Variants in DTD1 observed in about 807,000 individuals in gnomAD.
The protein encoded by DTD1 is D-aminoacyl-tRNA deacylase 1, also known as D-tyrosyl-tRNA deacylase 1 homolog.
A neutral mutation model predicts 25.6 loss-of-function variants in DTD1; 13 were observed. The ratio of observed to expected loss-of-function variants is 0.51; its 90% CI spans 0.33 to 0.81. The LOEUF is 0.81. Among genes scored for constraint, DTD1 ranks in the 30% least tolerant of loss-of-function variants. The pLI is 0.02. For synonymous variants in DTD1, 110 were observed against 103.6 expected (o/e 1.06, Z -0.37); for missense variants, 193 against 266.4 (o/e 0.72, Z 1.92).
At chr20:18,714,636 G>C (rs1349746515) in intron 4 of DTD1, among the ~76,000 whole-genome samples, 1 of 152,184 alleles carries the variant, frequency 6.6e-6, no homozygotes, top group Non-Finnish European at 1.5e-5. Context: ...CTTGGAACCA[G>C]GGTCAAGGCC....
chr20:18,642,580 C>A (rs78743660), intron 4 of DTD1, among the ~76,000 whole-genome samples: 5 of 152,010 alleles, frequency 3.3e-5, no homozygotes, highest in Middle Eastern at 3.4e-3. Context: ...AGTTGTTTAC[C>A]CTCTTCAGAA....
chr20:18,698,965 C>A (rs998235347), intron 4 of DTD1, among the ~76,000 whole-genome samples: 1 of 152,122 alleles, frequency 6.6e-6, no homozygotes, highest in African/African-American at 2.4e-5. Context: ...GCCCTTACAC[C>A]CTCCACGTCT....
At chr20:18,675,817 C>CATAT (rs1405466236) in intron 4 of DTD1, among the ~76,000 whole-genome samples, 2 of 50,370 alleles carry the variant, frequency 4.0e-5, no homozygotes, top group Non-Finnish European at 4.1e-5. Flanking sequence ...TATTTACACA[C>CATAT]ATATATGTAA....
chr20:18,680,487 G>T (rs1465371372), intron 4 of DTD1, among the ~76,000 whole-genome samples: 1 of 144,660 alleles, frequency 6.9e-6, no homozygotes, highest in African/African-American at 2.6e-5. Flanking sequence ...AGTGATCCTC[G>T]CATCTGGGCC....
intron 4 of DTD1, among the ~76,000 whole-genome samples, chr20:18,707,644 T>C (rs1370191989): frequency 6.6e-6 from 1 of 152,206 alleles, no homozygotes. Context: ...GGGCATCATG[T>C]GTTACAGGCT....
chr20:18,755,848 T>C (rs1002680510), intron 5 of DTD1, among the ~76,000 whole-genome samples: 5 of 152,130 alleles, frequency 3.3e-5, no homozygotes, highest in African/African-American at 4.8e-5. Flanking sequence ...ATCGCCACAC[T>C]GACTTCCACA....
At chr20:18,646,072 T>C (rs1295758144) in intron 4 of DTD1, among the ~76,000 whole-genome samples, 1 of 152,198 alleles carries the variant, frequency 6.6e-6, no homozygotes, top group Admixed American at 6.5e-5. Context: ...CTACCTCACA[T>C]TTGTGTCCAA....
chr20:18,736,216 A>G (rs1053613227), intron 4 of DTD1, among the ~76,000 whole-genome samples: 1 of 152,182 alleles, frequency 6.6e-6, no homozygotes, highest in African/African-American at 2.4e-5. Context: ...TGGCAACAGC[A>G]GACATCGTGT....
intron 4 of DTD1, among the ~76,000 whole-genome samples, chr20:18,683,756 G>A (rs984162344): frequency 6.6e-6 from 1 of 152,210 alleles, no homozygotes; most frequent in Admixed American, 6.5e-5. Context: ...GGAACTAGCA[G>A]TATTCCCAGA....
intron 2 of DTD1, among the ~76,000 whole-genome samples, chr20:18,594,882 A>G (rs2060603680): frequency 6.6e-6 from 1 of 152,202 alleles, no homozygotes; most frequent in Non-Finnish European, 1.5e-5. Context: ...GATGTGATTC[A>G]ACATAAGACA....
At chr20:18,660,201 C>A (rs1033457769) in intron 4 of DTD1, among the ~76,000 whole-genome samples, 1 of 151,792 alleles carries the variant, frequency 6.6e-6, no homozygotes, top group Non-Finnish European at 1.5e-5. Flanking sequence ...AGCGAGACTC[C>A]GTCTCAAAAA....
At chr20:18,742,178 C>T (rs1047234647) in intron 4 of DTD1, among the ~76,000 whole-genome samples, 1 of 152,154 alleles carries the variant, frequency 6.6e-6, no homozygotes, top group South Asian at 2.1e-4. Context: ...AATGACACTA[C>T]AGTCCATGTT....
intron 5 of DTD1, among the ~76,000 whole-genome samples, chr20:18,758,369 G>A (rs1186977024): frequency 2.2e-4 from 34 of 152,094 alleles, no homozygotes; most frequent in Non-Finnish European, 7.4e-5. Context: ...ATGTTAGGGT[G>A]TCAATTTTGG....
At position 18,612,728 on chromosome 20, in the gene DTD1, G is replaced by A. The variant is rs376678621; in HGVS notation, c.371-15399G>A. 2.6e-5 allele frequency among the ~76,000 whole-genome samples: 4 copies of A among 151,924 alleles called. No individual in the cohort carries two copies. In the South Asian group the frequency reaches 6.3e-4, roughly 24 times the overall value. On this transcript the variant is annotated intron_variant, in intron 3 of 5. Transcript: ENST00000377452. ...GGCTGGAGTGCATTGGCGCAATCTG[G>A]GCTCACTGCAACCTCCTCCTCCCAG...
chr20:18,618,704 CACACACACAT>C (rs1463749834), intron 3 of DTD1, among the ~76,000 whole-genome samples: 1 of 147,940 alleles, frequency 6.8e-6, no homozygotes, highest in African/African-American at 2.5e-5. Flanking sequence ...CACACACACA[CACACACACAT>C]ATAATTTTTT....
chr20:18,594,275 CA>C (rs1448538991), intron 2 of DTD1, among the ~76,000 whole-genome samples: 1 of 152,124 alleles, frequency 6.6e-6, no homozygotes, highest in African/African-American at 2.4e-5. Context: ...GCCTGAACCC[CA>C]GTTAGAGTCT....
At chr20:18,739,701 G>A (rs2061269526) in intron 4 of DTD1, among the ~76,000 whole-genome samples, 1 of 152,040 alleles carries the variant, frequency 6.6e-6, no homozygotes, top group South Asian at 2.1e-4. Context: ...GAGCTCATAT[G>A]CAGTACCAGT....
chr20:18,659,256 C>T lies in DTD1; in HGVS notation c.477+31023C>T, dbSNP rs577881390. Among the ~76,000 whole-genome samples the T allele has an allele frequency of 1.3e-4, 20 of 152,288 alleles. No homozygotes were observed. The East Asian group carries it at 1.4e-3, about 10-fold the overall frequency. ...GCCTGAGTCAGGTGCTAACAAACTT[C>T]GTCAAAAGCAGTGCCCAGCACTGGT... On this transcript the variant is annotated intron_variant, in intron 4 of 5. Coordinates refer to ENST00000377452, the MANE Select transcript of DTD1 (RefSeq NM_080820.6).
chr20:18,722,941 G>A (rs1406608245), intron 4 of DTD1, among the ~76,000 whole-genome samples: 1 of 151,696 alleles, frequency 6.6e-6, no homozygotes, highest in African/African-American at 2.4e-5. Flanking sequence ...CATAAGAGAG[G>A]GAAAAAAGAC....
Sources: gnomAD v4.1 joint callset for allele counts (sites outside exome capture counted in the v4.1 genomes callset) on GRCh38, gnomAD v4.1.1 for gene constraint, MANE v1.5 for transcripts, NCBI Gene and HGNC (gene_info 2026-07-23, HGNC 2026-07-21) for gene names.